ZFYVE1: variants seen among roughly 807,000 people sequenced by gnomAD.
ZFYVE1 encodes the protein zinc finger FYVE-type containing 1.
In ZFYVE1, 30 loss-of-function variants were observed where a neutral mutation model predicts 74.4. The ratio of observed to expected loss-of-function variants is 0.40; its 90% confidence interval spans 0.30 to 0.55. The LOEUF (loss-of-function observed/expected upper bound fraction) is 0.55, where lower values mean the gene tolerates loss of function less well. ZFYVE1 is among the 20% of genes least tolerant of loss of function. ZFYVE1 has a pLI of 0.42. For synonymous variants in ZFYVE1, 335 were observed against 385.1 expected, an observed-to-expected ratio of 0.87 and a Z score of 1.52; for missense variants, 703 against 1,011.6, an observed-to-expected ratio of 0.69 and a Z score of 4.14.
intron 3 of ZFYVE1, 74 bp from the exon 4 acceptor site, chr14:72,993,431 G>T: frequency 2.2e-6 from 3 of 1,369,228 alleles, no homozygotes; most frequent in Non-Finnish European, 2.0e-6. Context: ...GGCCAGGCAC[G>T]GTGGCCCACA....
chr14:72,993,076 C>T (rs960016151), intron 4 of ZFYVE1, 67 bp downstream of exon 4: 4 of 1,453,950 alleles, frequency 2.8e-6, no homozygotes, highest in African/African-American at 1.4e-5. Context: ...CAAAAGCTGG[C>T]GAACTGAGTG....
At chr14:72,973,287 G>C (rs1377811077) in intron 11 of ZFYVE1, among the ~76,000 whole-genome samples, 7 of 151,838 alleles carry the variant, frequency 4.6e-5, no homozygotes, top group Non-Finnish European at 7.4e-5. Flanking sequence ...TCAGGAGTTC[G>C]GGACCAGCCT....
chr14:72,980,386 G>T (rs1167175871), intron 5 of ZFYVE1, among the ~76,000 whole-genome samples: 1 of 152,106 alleles, frequency 6.6e-6, no homozygotes, highest in African/African-American at 2.4e-5. Flanking sequence ...CATGGAGGCT[G>T]CCATCTGACC....
chr14:72,995,691 G>A (rs1032550029), intron 3 of ZFYVE1, among the ~76,000 whole-genome samples: 4 of 152,112 alleles, frequency 2.6e-5, no homozygotes, highest in Admixed American at 1.3e-4. Context: ...CCTTATCTTC[G>A]AGGCACTTGC....
Position 72,975,248 on chromosome 14 carries a change from C to A in ZFYVE1, c.1807-289G>T. 2.0e-6 allele frequency: 1 copy of A among 501,360 alleles called. No homozygotes were observed. 31.1% of individuals were successfully genotyped at this position (501,360 alleles called of 1,614,324 possible). ...ATGACCCTAAATAACCTCTAAAGAC[C>A]CCTTTTCCTCCAGATTCTTATCTGG... On this transcript the variant is annotated intron_variant, in intron 9 of 11. Coordinates refer to ENST00000556143, the MANE Select transcript of ZFYVE1 (RefSeq NM_021260.4). The surrounding 1 kb of genome is among the most constrained non-coding windows in gnomAD (Gnocchi z 4.1).
intron 2 of ZFYVE1, among the ~76,000 whole-genome samples, chr14:73,007,126 C>G (rs1050695671): frequency 2.0e-5 from 3 of 152,122 alleles, no homozygotes; most frequent in Non-Finnish European, 4.4e-5. Flanking sequence ...CTTCCAAGCC[C>G]TCACAGAATC....
At chr14:73,018,849 C>T (rs1220447034) in intron 2 of ZFYVE1, among the ~76,000 whole-genome samples, 2 of 150,168 alleles carry the variant, frequency 1.3e-5, no homozygotes, top group Non-Finnish European at 1.5e-5. Context: ...GAGGCTGAGG[C>T]AGAACAATTG....
chr14:72,974,059 G>C, intron 11 of ZFYVE1, 21 bp downstream of exon 11: 1 of 1,611,144 alleles, frequency 6.2e-7, no homozygotes, highest in Non-Finnish European at 8.5e-7. Context: ...CTACCCCCAA[G>C]AGAAGCACTG....
intron 2 of ZFYVE1, among the ~76,000 whole-genome samples, chr14:73,021,832 T>C (rs1334327357): frequency 6.6e-6 from 1 of 152,226 alleles, no homozygotes; most frequent in Non-Finnish European, 1.5e-5. Flanking sequence ...GTTAGATTTA[T>C]CTTCTTCATT....
intron 2 of ZFYVE1, among the ~76,000 whole-genome samples, chr14:73,023,611 C>T (rs778787127): frequency 2.6e-5 from 4 of 151,440 alleles, no homozygotes; most frequent in Non-Finnish European, 5.9e-5. Context: ...GGTGCAGTCC[C>T]GCATCACTAA....
intron 2 of ZFYVE1, among the ~76,000 whole-genome samples, chr14:73,022,338 GA>G (rs1894335621): frequency 6.6e-6 from 1 of 152,206 alleles, no homozygotes; most frequent in Non-Finnish European, 1.5e-5. Context: ...AAAAAGTACA[GA>G]AGAAAAATAT....
intron 2 of ZFYVE1, among the ~76,000 whole-genome samples, chr14:73,016,830 T>C (rs1169486308): frequency 6.6e-6 from 1 of 151,966 alleles, no homozygotes; most frequent in Non-Finnish European, 1.5e-5. Context: ...ACCAAGATTG[T>C]GCCACTGCAC....
chr14:73,024,203 C>T lies in ZFYVE1; in HGVS notation c.306G>A (p.Glu102=), dbSNP rs1199626408. The change falls in exon 2 of 12, where the codon GAG becomes GAA. Residue 102 remains glutamate, a synonymous_variant. Transcript: ENST00000556143. The part of the protein sequence containing the change: ...CQTCKINLCL[E]CQKRTHSGGN... ...CCCCAGAATGAGTCCTCTTCTGGCACTCCAGGCACAAGTTAATTTTGCAGG... is the reference window on the plus strand; with the variant it reads ...CCCCAGAATGAGTCCTCTTCTGGCATTCCAGGCACAAGTTAATTTTGCAGG... 3 of 1,614,182 alleles carry T rather than the reference C, an allele frequency of 1.9e-6. No individual in the cohort carries two copies. Among genetic ancestry groups the T allele is most frequent in the Non-Finnish European group, 1.7e-6 (2 of 1,180,038 alleles).
Position 72,970,790 on chromosome 14 carries a change from A to G in ZFYVE1, c.*92T>C. 1 of 1,349,678 alleles carries G rather than the reference A, an allele frequency of 7.4e-7. No individual in the cohort carries two copies. The highest frequency in any genetic ancestry group is 1.4e-5 in the South Asian group (1 of 72,998). The allele number at this position is 1,349,678 out of a possible 1,614,324, so 83.6% of individuals were successfully genotyped here. A position where few individuals can be genotyped will look rare whatever the true frequency, so the allele number is the denominator to read the frequency against. On this transcript the variant is annotated 3_prime_UTR_variant, in exon 12 of 12. Transcript: ENST00000556143. ...GCGGAGAGGAGAGGACACACACCACAGCAGGTGACTGGGAGGAGGGCCTAC... is the reference window on the plus strand; with the variant it reads ...GCGGAGAGGAGAGGACACACACCACGGCAGGTGACTGGGAGGAGGGCCTAC...
chr14:73,005,681 A>G (rs1366751276), intron 2 of ZFYVE1, among the ~76,000 whole-genome samples: 1 of 152,196 alleles, frequency 6.6e-6, no homozygotes, highest in Non-Finnish European at 1.5e-5. Flanking sequence ...TAAAAGAGAT[A>G]AAGTATGTAA....
intron 3 of ZFYVE1, among the ~76,000 whole-genome samples, chr14:72,997,017 TA>T (rs1437100163): frequency 6.6e-6 from 1 of 152,146 alleles, no homozygotes; most frequent in Non-Finnish European, 1.5e-5. Flanking sequence ...AGAAAACAAA[TA>T]AGAACTTACA....
intron 11 of ZFYVE1, among the ~76,000 whole-genome samples, chr14:72,971,588 A>C (rs1893036589): frequency 6.6e-6 from 1 of 152,022 alleles, no homozygotes; most frequent in Admixed American, 6.6e-5. Flanking sequence ...TCGGCTTCCC[A>C]AAGTGCTGGG....
intron 2 of ZFYVE1, among the ~76,000 whole-genome samples, chr14:73,000,007 C>T (rs890160281): frequency 4.0e-5 from 6 of 151,858 alleles, no homozygotes; most frequent in East Asian, 1.9e-4. Flanking sequence ...TGCAGTGAGC[C>T]GAGATTGTGC....
chr14:73,025,137 C>T (rs1232471368), intron 1 of ZFYVE1, among the ~76,000 whole-genome samples, 195 bp from the exon 2 acceptor site: 1 of 150,162 alleles, frequency 6.7e-6, no homozygotes, highest in African/African-American at 2.5e-5. Flanking sequence ...GGGACAGTCT[C>T]GGCTCACTGC....
Sources: gnomAD v4.1 joint callset for allele counts (sites outside exome capture counted in the v4.1 genomes callset) on GRCh38, gnomAD v4.1.1 for gene constraint, Gnocchi (gnomAD v3.1) non-coding constraint, MANE v1.5 for transcripts, NCBI Gene and HGNC (gene_info 2026-07-23, HGNC 2026-07-21) for gene names.